The following FRK variants were observed in gnomAD, a reference collection of about 807,000 sequenced individuals.
FRK encodes tyrosine-protein kinase FRK.
In FRK, 51 loss-of-function variants were observed where a neutral mutation model predicts 56.4. The observed-to-expected ratio is 0.90, with a 90% CI of 0.72 to 1.14. FRK has a LOEUF of 1.14. Ranked by LOEUF, FRK falls within the 50% of genes most tolerant of loss-of-function variation. FRK has a pLI of 0.00. For missense variants in FRK, 570 were observed against 601.4 expected (o/e 0.95, Z 0.55); for synonymous variants, 245 against 217.9 (o/e 1.12, Z -1.10).
intron 7 of FRK, 86 bp from the exon 8 acceptor site, chr6:115,942,711 G>A: frequency 1.7e-6 from 2 of 1,144,630 alleles, no homozygotes; most frequent in Non-Finnish European, 2.6e-6. Context: ...TATACTCTAG[G>A]TTACTAAGTA....
intron 1 of FRK, among the ~76,000 whole-genome samples, chr6:116,031,252 T>G (rs991557652): frequency 2.0e-5 from 3 of 152,192 alleles, no homozygotes; most frequent in East Asian, 1.9e-4. Flanking sequence ...AGTAAAAAAG[T>G]GGAATATGTA....
chr6:116,053,220 T>C (rs986689177), intron 1 of FRK, among the ~76,000 whole-genome samples: 5 of 152,126 alleles, frequency 3.3e-5, no homozygotes, highest in African/African-American at 1.2e-4. Flanking sequence ...TGGATCTAGT[T>C]GAAACATTCA....
chr6:116,084,886 C>CA, the FRK span, among the ~76,000 whole-genome samples: 14 of 151,896 alleles, frequency 9.2e-5, no homozygotes, highest in Non-Finnish European at 1.8e-4. Context: ...CATAGCTTTG[C>CA]AAAAAGAAGT....
chr6:115,960,384 A>G (rs62414075), intron 4 of FRK, among the ~76,000 whole-genome samples: 19 of 151,160 alleles, frequency 1.3e-4, no homozygotes, highest in Non-Finnish European at 2.2e-4. Context: ...CACCTGGCTC[A>G]GAGGGTCCTA....
rs542545841 is a variant in FRK at position 116,007,219 on chromosome 6, G to T, written c.345-3221C>A. ...CATTAGTTCATTGCTCTCCATCTTT[G>T]CTAGCTCACAGACTGAAAGGCATGA... On this transcript the variant is annotated intron_variant, in intron 1 of 7. Transcript: ENST00000606080. Among the ~76,000 whole-genome samples the T allele has an allele frequency of 3.5e-4, 53 of 152,228 alleles. 1 individual carries two copies. In the South Asian group the frequency reaches 0.011, roughly 30 times the overall value.
At chr6:116,092,876 C>G in the FRK span, among the ~76,000 whole-genome samples, 1 of 152,142 alleles carries the variant, frequency 6.6e-6, no homozygotes, top group African/African-American at 2.4e-5. Flanking sequence ...GCATCCTAAG[C>G]CATTGGGACC....
chr6:116,010,115 G>A (rs1305486717), intron 1 of FRK, among the ~76,000 whole-genome samples: 4 of 151,914 alleles, frequency 2.6e-5, no homozygotes, highest in African/African-American at 9.7e-5. Flanking sequence ...CCAGCTACTC[G>A]GGAGGCTGAG....
chr6:116,044,899 T>A (rs1054780256), intron 1 of FRK, among the ~76,000 whole-genome samples: 2 of 152,166 alleles, frequency 1.3e-5, no homozygotes, highest in African/African-American at 4.8e-5. Context: ...CAATACAAAA[T>A]CAATGTGCAA....
intron 1 of FRK, among the ~76,000 whole-genome samples, chr6:116,033,313 T>G (rs1221296599): frequency 5.3e-5 from 8 of 152,204 alleles, no homozygotes; most frequent in Admixed American, 5.2e-4. Flanking sequence ...AGGATAAATG[T>G]ACACATACAT....
intron 1 of FRK, among the ~76,000 whole-genome samples, chr6:116,027,306 A>G (rs967827071): frequency 7.2e-5 from 11 of 152,186 alleles, no homozygotes; most frequent in African/African-American, 2.7e-4. Context: ...AATTTTTTAA[A>G]CTGTCAAATA....
intron 4 of FRK, among the ~76,000 whole-genome samples, chr6:115,962,250 T>A (rs1400350116): frequency 2.1e-5 from 3 of 140,220 alleles, no homozygotes; most frequent in Admixed American, 7.1e-5. Context: ...GCAATCCTAG[T>A]CTCTGATAAA....
At chr6:116,033,366 C>T (rs1468898387) in intron 1 of FRK, among the ~76,000 whole-genome samples, 1 of 152,072 alleles carries the variant, frequency 6.6e-6, no homozygotes, top group Admixed American at 6.6e-5. Context: ...AAATAAATTA[C>T]TTAGGGATAA....
At chr6:115,995,777 A>G (rs2114674161) in intron 2 of FRK, among the ~76,000 whole-genome samples, 1 of 152,322 alleles carries the variant, frequency 6.6e-6, no homozygotes, top group African/African-American at 2.4e-5. Flanking sequence ...ACACGTGCAC[A>G]TAATAAAATG....
intron 1 of FRK, among the ~76,000 whole-genome samples, chr6:116,034,967 A>G (rs1219737961): frequency 6.6e-6 from 1 of 152,108 alleles, no homozygotes; most frequent in Non-Finnish European, 1.5e-5. Context: ...TAAGGATGAG[A>G]TAAGATTGCC....
chr6:116,085,736 GC>G, the FRK span, among the ~76,000 whole-genome samples: 1 of 152,120 alleles, frequency 6.6e-6, no homozygotes, highest in South Asian at 2.1e-4. Flanking sequence ...GTGTGTGCAT[GC>G]CACAGAGAGA....
intron 1 of FRK, among the ~76,000 whole-genome samples, chr6:116,039,966 AAG>A (rs1185566012): frequency 6.6e-6 from 1 of 151,986 alleles, no homozygotes; most frequent in Non-Finnish European, 1.5e-5. Flanking sequence ...AAAAAGGAAA[AAG>A]AAAATCAAAG....
chr6:116,040,529 C>A (rs1017454814), intron 1 of FRK, among the ~76,000 whole-genome samples: 11 of 152,056 alleles, frequency 7.2e-5, no homozygotes, highest in Non-Finnish European at 1.6e-4. Context: ...TACATGTAGT[C>A]TCTTGAAACT....
At chr6:115,944,218 A>C in intron 6 of FRK, 26 bp downstream of exon 6, 3 of 1,583,618 alleles carry the variant, frequency 1.9e-6, no homozygotes, top group Non-Finnish European at 1.7e-6. Flanking sequence ...TATTACAAAA[A>C]CTAATTAAAA....
intron 1 of FRK, among the ~76,000 whole-genome samples, chr6:116,033,838 C>G (rs560525659): frequency 1.4e-4 from 21 of 152,200 alleles, no homozygotes; most frequent in African/African-American, 5.1e-4. Flanking sequence ...AGGGTTACAT[C>G]ACAGAGGCCA....
Sources: gnomAD v4.1 joint callset for allele counts (sites outside exome capture counted in the v4.1 genomes callset) on GRCh38, gnomAD v4.1.1 for gene constraint, MANE v1.5 for transcripts, NCBI Gene and HGNC (gene_info 2026-07-23, HGNC 2026-07-21) for gene names.